Variants in NEGR1 observed in about 807,000 individuals in gnomAD.
The protein encoded by NEGR1 is IgLON family member 4.
NEGR1 carries 10 observed loss-of-function variants against 40.9 expected under a neutral mutation model. The ratio of observed to expected loss-of-function variants is 0.24; its 90% CI spans 0.15 to 0.42. The LOEUF (loss-of-function observed/expected upper bound fraction) is 0.42, where lower values mean the gene tolerates loss of function less well. Among genes scored for constraint, NEGR1 ranks in the 10% least tolerant of loss-of-function variants. NEGR1 has a pLI of 1.00. For missense variants in NEGR1, 352 were observed against 438.9 expected (o/e 0.80, Z 1.77); for synonymous variants, 185 against 166.8 (o/e 1.11, Z -0.84).
intron 1 of NEGR1, among the ~76,000 whole-genome samples, chr1:72,258,667 C>T (rs1467731705): frequency 5.3e-5 from 8 of 151,756 alleles, no homozygotes; most frequent in Non-Finnish European, 1.0e-4. Flanking sequence ...GAATGTAAGC[C>T]CTCAACTGTT....
chr1:72,071,372 C>T lies in NEGR1; in HGVS notation c.177-136061G>A, dbSNP rs186363368. Among the ~76,000 whole-genome samples the T allele has an allele frequency of 1.9e-4, 29 of 151,998 alleles. No individual in the cohort carries two copies. In the East Asian group the frequency reaches 5.2e-3, roughly 27 times the overall value. The stretch of plus-strand genomic sequence containing the variant: ...CCATTAATTTGAATATATATTCCAG[C>T]CTATAAAATATTCAATTTAATGGCA... On this transcript the variant is annotated intron_variant, in intron 1 of 6. Coordinates refer to ENST00000357731, the MANE Select transcript of NEGR1 (RefSeq NM_173808.3).
At chr1:71,855,618 C>T (rs1038045059) in intron 2 of NEGR1, among the ~76,000 whole-genome samples, 2 of 151,602 alleles carry the variant, frequency 1.3e-5, no homozygotes, top group Non-Finnish European at 2.9e-5. Context: ...CTTAATTATC[C>T]TTACGGTACA....
intron 1 of NEGR1, among the ~76,000 whole-genome samples, chr1:72,199,142 T>TAGAGAG (rs1268615373): frequency 3.4e-4 from 49 of 143,164 alleles, no homozygotes; most frequent in African/African-American, 1.2e-3. Flanking sequence ...TCTATCTAGA[T>TAGAGAG]AGACAGACAG....
chr1:71,671,921 G>T, intron 4 of NEGR1, among the ~76,000 whole-genome samples: 1 of 134,956 alleles, frequency 7.4e-6, no homozygotes. Flanking sequence ...TGTTTTAAGA[G>T]ACAGCTCTCA....
intron 6 of NEGR1, chr1:71,570,910 G>A (rs1157852732): frequency 6.6e-6 from 1 of 152,032 alleles, no homozygotes; most frequent in Non-Finnish European, 1.5e-5. Flanking sequence ...TTTTTCAATT[G>A]ATAGAAAAAG....
At chr1:72,246,327 C>T (rs377196793) in intron 1 of NEGR1, among the ~76,000 whole-genome samples, 7 of 152,100 alleles carry the variant, frequency 4.6e-5, no homozygotes, top group African/African-American at 1.4e-4. Flanking sequence ...ATGATAACAT[C>T]GTGTCTAGTT....
intron 3 of NEGR1, among the ~76,000 whole-genome samples, chr1:71,768,490 C>G (rs985354572): frequency 1.3e-5 from 2 of 152,106 alleles, no homozygotes; most frequent in African/African-American, 4.8e-5. Context: ...GGAGTATTTA[C>G]GCAATGCCTA....
chr1:72,209,746 G>A (rs901179089), intron 1 of NEGR1, among the ~76,000 whole-genome samples: 5 of 151,748 alleles, frequency 3.3e-5, no homozygotes, highest in African/African-American at 1.2e-4. Context: ...GGAGATACAC[G>A]CATGTATCTT....
At chr1:71,413,820 A>T (rs1233955195) in intron 6 of NEGR1, among the ~76,000 whole-genome samples, 1 of 152,148 alleles carries the variant, frequency 6.6e-6, no homozygotes, top group East Asian at 1.9e-4. Flanking sequence ...TTTTCTAATT[A>T]TGATTATCAC....
At chr1:71,888,120 T>C (rs1660780475) in intron 2 of NEGR1, among the ~76,000 whole-genome samples, 2 of 152,118 alleles carry the variant, frequency 1.3e-5, no homozygotes, top group South Asian at 2.1e-4. Context: ...TCTCCCATAG[T>C]AGAGGTTAGA....
chr1:72,198,490 GT>G (rs928488435), intron 1 of NEGR1, among the ~76,000 whole-genome samples: 12 of 151,672 alleles, frequency 7.9e-5, no homozygotes, highest in African/African-American at 2.7e-4. Context: ...AAGGTAATGT[GT>G]GGAAAAAAAA....
intron 6 of NEGR1, among the ~76,000 whole-genome samples, chr1:71,548,169 C>T (rs370136769): frequency 1.4e-4 from 22 of 151,748 alleles, no homozygotes; most frequent in Admixed American, 9.2e-4. Context: ...CCCACAGAAA[C>T]GGAGATATTA....
In NEGR1 at chr1:71,403,441, T is replaced by C. The variant is rs1646258420; in HGVS notation, c.*4005A>G. ...CTCTGTTGCTAACTCTGCTGTATTT[T>C]ACCAGGTAAAGGTTCTAAATAATTA... On this transcript the variant is annotated 3_prime_UTR_variant, in exon 7 of 7. Transcript: ENST00000357731. 1 of 152,586 alleles carries C rather than the reference T, an allele frequency of 6.6e-6. No individual in the cohort carries two copies. The highest frequency in any genetic ancestry group is 1.5e-5 in the Non-Finnish European group (1 of 68,288). The allele number at this position is 152,586 out of a possible 1,614,324, so 9.5% of individuals were successfully genotyped here.
intron 1 of NEGR1, among the ~76,000 whole-genome samples, chr1:72,281,556 G>A (rs937340203): frequency 2.0e-5 from 3 of 151,456 alleles, no homozygotes; most frequent in Admixed American, 1.3e-4. Context: ...GTCAAAAGAG[G>A]GAAGACAGGG....
intron 3 of NEGR1, among the ~76,000 whole-genome samples, chr1:71,722,496 A>C (rs1279547063): frequency 6.6e-6 from 1 of 152,128 alleles, no homozygotes; most frequent in Non-Finnish European, 1.5e-5. Flanking sequence ...CGTCATGTAT[A>C]TAATTTTCAT....
chr1:72,117,417 G>A (rs1273410260), intron 1 of NEGR1, among the ~76,000 whole-genome samples: 1 of 151,708 alleles, frequency 6.6e-6, no homozygotes. Context: ...GTCTGTTTGA[G>A]AATACAGCTA....
At chr1:71,441,324 C>T (rs1023593340) in intron 6 of NEGR1, among the ~76,000 whole-genome samples, 4 of 152,202 alleles carry the variant, frequency 2.6e-5, no homozygotes, top group African/African-American at 9.6e-5. Context: ...TTCCTTCTTC[C>T]ATACCCTTCG....
intron 3 of NEGR1, among the ~76,000 whole-genome samples, chr1:71,742,400 G>T (rs12030035): frequency 0.072 from 10,999 of 152,166 alleles, 491 homozygotes; most frequent in East Asian, 0.14. Flanking sequence ...TGCCCCACTG[G>T]GTTTGGGAGA....
intron 5 of NEGR1, among the ~76,000 whole-genome samples, chr1:71,597,468 C>CTGTGTGTGTG (rs1331833538): frequency 2.8e-3 from 63 of 22,210 alleles, no homozygotes; most frequent in South Asian, 0.016. Flanking sequence ...CTCTCTCTCT[C>CTGTGTGTGTG]TCTCTGTGTG....
Sources: allele counts gnomAD v4.1 joint callset (sites outside exome capture counted in the v4.1 genomes callset), GRCh38; gene constraint gnomAD v4.1.1; transcripts MANE v1.5; gene names NCBI Gene and HGNC (gene_info 2026-07-23, HGNC 2026-07-21).